The following ZNF287 variants were observed in gnomAD, a reference collection of about 807,000 sequenced individuals.
ZNF287 encodes the protein zinc finger protein with KRAB and SCAN domains 13.
In ZNF287, 31 loss-of-function variants were observed where a neutral mutation model predicts 73.7. The ratio of observed to expected loss-of-function variants is 0.42; its 90% CI spans 0.32 to 0.57. The LOEUF (loss-of-function observed/expected upper bound fraction) is 0.57. Among genes scored for constraint, ZNF287 ranks in the 20% least tolerant of loss-of-function variants. The pLI, the probability that ZNF287 is intolerant of heterozygous loss-of-function variation, is 0.13. For missense variants in ZNF287, 641 were observed against 909.3 expected (o/e 0.70, Z 3.79); for synonymous variants, 301 against 307.2 (o/e 0.98, Z 0.21).
In ZNF287 at chr17:16,552,062, GTTGA is replaced by G. The variant is rs745968011; in HGVS notation, c.2076_2079del (p.Gln693IlefsTer71). On this transcript the variant is annotated frameshift_variant, in exon 6 of 6. Transcript: ENST00000395825. LOFTEE classifies it high-confidence loss of function. The surrounding 1 kb of genome is among the most constrained non-coding windows in gnomAD (Gnocchi z 6.5). ...CTCTCTCCAGTATGAGTTCTCTGAT[GTTGA>G]TTAAGTGATGAGGAATAAATGAAAG... 6 of 1,614,042 alleles carry G rather than the reference GTTGA, an allele frequency of 3.7e-6. No individual in the cohort carries two copies. The highest frequency in any genetic ancestry group is 1.7e-5 in the Admixed American group (1 of 60,022).
Position 16,551,545 on chromosome 17 carries a change from C to T in ZNF287, c.*311G>A. On this transcript the variant is annotated 3_prime_UTR_variant, in exon 6 of 6. Transcript: ENST00000395825. The stretch of plus-strand genomic sequence containing the variant: ...TACATGGGTGGTCCTGGAACCAATC[C>T]CCCGAGTATACCAAAGGATAAGTGT... 3.8e-6 allele frequency: 1 copy of T among 266,088 alleles called. No individual in the cohort carries two copies. Among genetic ancestry groups the T allele is most frequent in the Non-Finnish European group, 7.1e-6 (1 of 141,416 alleles). The allele number at this position is 266,088 out of a possible 1,614,324, so 16.5% of individuals were successfully genotyped here. A position where few individuals can be genotyped will look rare whatever the true frequency, so the allele number is the denominator to read the frequency against.
At chr17:16,562,234 A>G (rs148971885) in intron 5 of ZNF287, among the ~76,000 whole-genome samples, 15 of 152,326 alleles carry the variant, frequency 9.8e-5, no homozygotes, top group African/African-American at 3.6e-4. Flanking sequence ...TAAAAATATG[A>G]TGCAGATATA....
intron 5 of ZNF287, among the ~76,000 whole-genome samples, chr17:16,560,588 T>C (rs1907382535): frequency 6.6e-6 from 1 of 151,898 alleles, no homozygotes; most frequent in Non-Finnish European, 1.5e-5. Context: ...GACTTCGTGA[T>C]CCGCCCACCT....
chr17:16,553,674 G>A (rs527605229), intron 5 of ZNF287, among the ~76,000 whole-genome samples: 2 of 152,290 alleles, frequency 1.3e-5, no homozygotes, highest in African/African-American at 4.8e-5. Flanking sequence ...TAAGTCAGGT[G>A]ACAGAGCTAA....
intron 4 of ZNF287, among the ~76,000 whole-genome samples, chr17:16,563,451 C>G (rs1301629299): frequency 1.3e-5 from 2 of 152,184 alleles, no homozygotes; most frequent in African/African-American, 4.8e-5. Flanking sequence ...AAGAAACATT[C>G]CCTTAGAGTA....
chr17:16,557,703 C>A (rs1052166043), intron 5 of ZNF287, among the ~76,000 whole-genome samples: 1 of 152,088 alleles, frequency 6.6e-6, no homozygotes, highest in African/African-American at 2.4e-5. Flanking sequence ...CCTTAAACTT[C>A]CATTTTGAGG....
intron 1 of ZNF287, 63 bp from the exon 2 acceptor site, chr17:16,567,992 C>T: frequency 7.8e-7 from 1 of 1,277,710 alleles, no homozygotes; most frequent in Non-Finnish European, 9.9e-7. Flanking sequence ...TACATATACA[C>T]ACACAGAAAC....
chr17:16,558,346 G>C (rs1338772109), intron 5 of ZNF287: 1 of 151,972 alleles, frequency 6.6e-6, no homozygotes, highest in Non-Finnish European at 1.5e-5. Flanking sequence ...CACCCAGTGG[G>C]AGTGCAGTGG....
chr17:16,551,878 G>A lies in ZNF287; in HGVS notation c.2264C>T (p.Thr755Ile), dbSNP rs1233134300. ...CCATTAATTACGATGTTTGGCACCT[G>A]TATGAACACGTTGATGCTGAATAAG... ...TNLIQHQRVH[T>I]GAKHRN Residue 755 changes from threonine to isoleucine, a missense_variant, in exon 6 of 6, where the codon ACA (threonine) becomes ATA (isoleucine). Coordinates refer to ENST00000395825, the MANE Select transcript of ZNF287 (RefSeq NM_020653.4). The A allele has an allele frequency of 6.3e-7, 1 of 1,598,716 alleles. No homozygotes were observed.
At position 16,566,718 on chromosome 17, in the gene ZNF287, GAAGT is replaced by G. The variant is rs570114787; in HGVS notation, c.404-100_404-97del. ...AGATGCCTACACTTTCTTAAATCGA[GAAGT>G]AAGAAGGAAATCAAAAACAGCACTC... is the stretch of plus-strand genomic sequence containing the variant. On this transcript the variant is annotated intron_variant, in intron 2 of 5. Transcript: ENST00000395825. The G allele has an allele frequency of 4.4e-3, 3,488 of 785,146 alleles. 18 individuals are homozygous for G. Among genetic ancestry groups the G allele is most frequent in the Non-Finnish European group, 6.2e-3 (3,154 of 504,832 alleles). The allele number at this position is 785,146 out of a possible 1,614,324, so 48.6% of individuals were successfully genotyped here.
At position 16,551,595 on chromosome 17, in the gene ZNF287, T is replaced by TA; in HGVS notation, c.*260dup. ...TACTTGAAATAGAGAGTTGATGAGTTATGTTTTTGAATACCCTTCACAGGG... is the reference window on the plus strand; with the variant it reads ...TACTTGAAATAGAGAGTTGATGAGTTAATGTTTTTGAATACCCTTCACAGGG... On this transcript the variant is annotated 3_prime_UTR_variant, in exon 6 of 6. Transcript: ENST00000395825. 1 of 406,052 alleles carries TA rather than the reference T, an allele frequency of 2.5e-6. No homozygotes were observed. The highest frequency in any genetic ancestry group is 4.4e-6 in the Non-Finnish European group (1 of 228,798). The allele number at this position is 406,052 out of a possible 1,614,324, so 25.2% of individuals were successfully genotyped here.
intron 5 of ZNF287, among the ~76,000 whole-genome samples, chr17:16,556,421 ATAT>A (rs754043148): frequency 1.1e-4 from 17 of 152,302 alleles, no homozygotes; most frequent in Admixed American, 2.0e-4. Flanking sequence ...GCTAATAATG[ATAT>A]TATAAGTTTT....
intron 3 of ZNF287, among the ~76,000 whole-genome samples, chr17:16,564,234 C>A (rs986855486): frequency 7.2e-5 from 11 of 152,142 alleles, no homozygotes; most frequent in African/African-American, 2.7e-4. Flanking sequence ...AGGGTCTTGC[C>A]TGGTCACCTG....
At chr17:16,557,434 T>C (rs1303651024) in intron 5 of ZNF287, among the ~76,000 whole-genome samples, 1 of 152,086 alleles carries the variant, frequency 6.6e-6, no homozygotes, top group Admixed American at 6.5e-5. Context: ...TAAAGAACTA[T>C]AAAAGATCTG....
chr17:16,552,190 T>A lies in ZNF287; in HGVS notation c.1952A>T (p.Asn651Ile). Residue 651 changes from asparagine (N) to isoleucine (I), a missense_variant, in exon 6 of 6, where the codon AAT becomes ATT. Around this residue, in one of 2 missense-constraint regions of ZNF287, gnomAD observed 284 missense variants for 466.8 expected, o/e 0.61. Coordinates refer to ENST00000395825, the MANE Select transcript of ZNF287 (RefSeq NM_020653.4). The surrounding 1 kb of genome is among the most constrained non-coding windows in gnomAD (Gnocchi z 6.5). ...TTGTCTATATGCTTTCCCACATATA[T>A]TGCATTTAAAGGGTTTTTCTCCATT... is the stretch of plus-strand genomic sequence containing the variant. The part of the protein sequence containing the change: ...IHNGEKPFKC[N>I]ICGKAYRQGA... 6.2e-7 allele frequency: 1 copy of A among 1,614,046 alleles called. No individual in the cohort carries two copies. Among genetic ancestry groups the A allele is most frequent in the South Asian group, 1.1e-5 (1 of 91,072 alleles).
In ZNF287 at chr17:16,553,006, T is replaced by G; in HGVS notation, c.1136A>C (p.Lys379Thr). Residue 379 changes from lysine to threonine, a missense_variant, in exon 6 of 6, where the codon AAA (lysine) becomes ACA (threonine). Around this residue, in one of 2 missense-constraint regions of ZNF287, gnomAD observed 357 missense variants for 442.4 expected, o/e 0.81. Transcript: ENST00000395825. ...KCNVCGKKFR[K>T]YPSLLKHQST... The stretch of plus-strand genomic sequence containing the variant: ...TTGGTGTTTCAGGAGGGATGGGTAT[T>G]TCCTAAATTTTTTCCCACACACATT... The G allele has an allele frequency of 6.2e-7, 1 of 1,614,156 alleles. No individual in the cohort carries two copies. Among genetic ancestry groups the G allele is most frequent in the East Asian group, 2.2e-5 (1 of 44,882 alleles).
chr17:16,552,807 A>C lies in ZNF287; in HGVS notation c.1335T>G (p.Ile445Met). 6.2e-7 allele frequency: 1 copy of C among 1,613,682 alleles called. No homozygotes were observed. The highest frequency in any genetic ancestry group is 1.1e-5 in the South Asian group (1 of 91,046). ...QRAHLTIHQR[I>M]HTGEKPYKCD... is the part of the protein sequence containing the mutation. ...ACTTATAGGGTTTCTCTCCAGTATG[A>C]ATTCTCTGATGTATAGTAAGGTGTG... Residue 445 changes from isoleucine (I) to methionine (M), a missense_variant, in exon 6 of 6, where the codon ATT becomes ATG. Around this residue, in one of 2 missense-constraint regions of ZNF287, gnomAD observed 284 missense variants for 466.8 expected, o/e 0.61. Transcript: ENST00000395825. This position sits in a 1 kb window ranked among gnomAD's most constrained non-coding sequence, Gnocchi z 6.5.
At position 16,550,091 on chromosome 17, in the gene ZNF287, G is replaced by A. The variant is rs1229984939; in HGVS notation, c.*1765C>T. On this transcript the variant is annotated 3_prime_UTR_variant, in exon 6 of 6. Coordinates refer to ENST00000395825, the MANE Select transcript of ZNF287 (RefSeq NM_020653.4). Reference sequence around the variant, plus strand: ...CCTTATATTCTGGTAGTGGAATGCTGTAAATATGAAATACAATAGTATTTT... The same window carrying A: ...CCTTATATTCTGGTAGTGGAATGCTATAAATATGAAATACAATAGTATTTT... Among the ~76,000 whole-genome samples, 1 of 152,112 alleles carries A rather than the reference G, an allele frequency of 6.6e-6. No homozygotes were observed. Among genetic ancestry groups the A allele is most frequent in the Non-Finnish European group, 1.5e-5 (1 of 68,008 alleles).
At chr17:16,559,697 A>G (rs1272573581) in intron 5 of ZNF287, among the ~76,000 whole-genome samples, 4 of 152,296 alleles carry the variant, frequency 2.6e-5, no homozygotes, top group Middle Eastern at 3.4e-3. Context: ...ACCATTCCCT[A>G]CTAAAATGAA....
Sources: allele counts gnomAD v4.1 joint callset (sites outside exome capture counted in the v4.1 genomes callset), GRCh38; gene constraint gnomAD v4.1.1; regional missense constraint gnomAD v4.1.1; non-coding constraint Gnocchi (gnomAD v3.1); transcripts MANE v1.5; gene names NCBI Gene and HGNC (gene_info 2026-07-23, HGNC 2026-07-21).